SPATA6L: variants seen among roughly 807,000 people sequenced by gnomAD.
SPATA6L encodes spermatogenesis associated 6-like protein.
Under a neutral mutation model 49.2 loss-of-function variants are expected in SPATA6L, and 68 were observed. The observed-to-expected ratio is 1.38, with a 90% CI of 1.14 to 1.69. The LOEUF (loss-of-function observed/expected upper bound fraction) is 1.69, where lower values mean the gene tolerates loss of function less well. SPATA6L is among the 40% of genes most tolerant of loss of function. The pLI is 0.00. For missense variants in SPATA6L, 668 were observed against 464.3 expected (o/e 1.44, Z -4.03); for synonymous variants, 198 against 165.7 (o/e 1.19, Z -1.50).
Position 4,661,898 on chromosome 9 carries a change from C to G in SPATA6L, c.177+1G>C, listed in dbSNP as rs1839867516. On this transcript the variant is annotated splice_donor_variant, in intron 2 of 11. Coordinates refer to ENST00000682582, the MANE Select transcript of SPATA6L (RefSeq NM_001353486.2). LOFTEE classifies it high-confidence loss of function. ...AAAGCCAATGAGAAAGTCAAGATCA[C>G]CTTTTCAAATCTCATGCTCTCCTGA... The G allele has an allele frequency of 1.9e-6, 3 of 1,613,424 alleles. No homozygotes were observed. Among genetic ancestry groups the G allele is most frequent in the Non-Finnish European group, 2.5e-6 (3 of 1,179,564 alleles).
chr9:4,659,291 C>G lies in SPATA6L; in HGVS notation c.177+2608G>C, dbSNP rs144346000. Among the ~76,000 whole-genome samples, 65 of 152,306 alleles carry G rather than the reference C, an allele frequency of 4.3e-4. 1 individual carries two copies. In the East Asian group the frequency reaches 0.011, roughly 25 times the overall value. On this transcript the variant is annotated intron_variant, in intron 2 of 11. Coordinates refer to ENST00000682582, the MANE Select transcript of SPATA6L (RefSeq NM_001353486.2). ...TGAAACAGATAGGTCACTTTCTGGG[C>G]ATCACTTTCCAGACCTTTAAAAGTG...
intron 5 of SPATA6L, chr9:4,627,550 A>C: frequency 2.8e-6 from 1 of 362,182 alleles, no homozygotes; most frequent in Non-Finnish European, 5.2e-6. Flanking sequence ...CCCTGTCCCA[A>C]AGTATTTGGA....
chr9:4,601,732 C>T (rs1185190040), intron 11 of SPATA6L, among the ~76,000 whole-genome samples: 5 of 152,110 alleles, frequency 3.3e-5, no homozygotes, highest in Admixed American at 6.5e-5. Flanking sequence ...CAAGAAAAGC[C>T]GGGACTGGGA....
chr9:4,646,815 G>C (rs1202027051), intron 3 of SPATA6L, among the ~76,000 whole-genome samples: 10 of 152,062 alleles, frequency 6.6e-5, no homozygotes, highest in African/African-American at 2.4e-4. Context: ...AACTAATGCA[G>C]AAAGAGAAAA....
At chr9:4,622,380 G>T in intron 7 of SPATA6L, 28 bp downstream of exon 7, 1 of 1,374,010 alleles carries the variant, frequency 7.3e-7, no homozygotes. Flanking sequence ...ATAGGGAAAT[G>T]TACAGGAGTA....
intron 3 of SPATA6L, among the ~76,000 whole-genome samples, chr9:4,641,063 T>C (rs1833926376): frequency 6.6e-6 from 1 of 152,140 alleles, no homozygotes; most frequent in Admixed American, 6.6e-5. Context: ...TATATATAGG[T>C]GTGTGTGTAT....
At chr9:4,612,229 C>G (rs1377657353) in intron 9 of SPATA6L, among the ~76,000 whole-genome samples, 1 of 152,140 alleles carries the variant, frequency 6.6e-6, no homozygotes, top group Non-Finnish European at 1.5e-5. Flanking sequence ...CTGCCTCAGC[C>G]TCCCAAAGTG....
intron 8 of SPATA6L, 148 bp from the exon 9 acceptor site, chr9:4,618,258 G>T: frequency 1.6e-6 from 1 of 608,596 alleles, no homozygotes; most frequent in Non-Finnish European, 2.7e-6. Flanking sequence ...AAGAGGATCT[G>T]GAGAAGAGAA....
At chr9:4,644,781 G>T (rs1564278948) in intron 3 of SPATA6L, among the ~76,000 whole-genome samples, 1 of 151,830 alleles carries the variant, frequency 6.6e-6, no homozygotes, top group Non-Finnish European at 1.5e-5. Flanking sequence ...CTATTTATGA[G>T]AATTGGTGCC....
intron 9 of SPATA6L, among the ~76,000 whole-genome samples, chr9:4,613,717 G>C (rs930634550): frequency 6.6e-6 from 1 of 151,996 alleles, no homozygotes; most frequent in African/African-American, 2.4e-5. Context: ...CCAAGTAGCT[G>C]AGACTACAGG....
rs10758636 is a variant in SPATA6L at position 4,600,019 on chromosome 9, G to A, written c.*792C>T. Among the ~76,000 whole-genome samples the A allele has an allele frequency of 0.71, 108,108 of 152,038 alleles. 39,071 individuals carry two copies. Among genetic ancestry groups the A allele is most frequent in the Middle Eastern group, 0.81 (237 of 294 alleles). On this transcript the variant is annotated 3_prime_UTR_variant, in exon 12 of 12. Coordinates refer to ENST00000682582, the MANE Select transcript of SPATA6L (RefSeq NM_001353486.2). ...CCTCACACTGTGTAAGCATTTCATA[G>A]ATGCACCTTCCTAACTAACTTTAAA...
Position 4,599,438 on chromosome 9 carries a change from T to C in SPATA6L, c.*1373A>G, listed in dbSNP as rs747514288. On this transcript the variant is annotated 3_prime_UTR_variant, in exon 12 of 12. Coordinates refer to ENST00000682582, the MANE Select transcript of SPATA6L (RefSeq NM_001353486.2). ...AATGAACCAATCCCTATGATTACAG[T>C]GAGAAAAGAAAACTTGGCTCTCACT... 2.0e-5 allele frequency among the ~76,000 whole-genome samples: 3 copies of C among 152,218 alleles called. No homozygotes were observed. Among genetic ancestry groups the C allele is most frequent in the Non-Finnish European group, 4.4e-5 (3 of 68,040 alleles).
At chr9:4,658,228 G>A (rs1003561591) in intron 2 of SPATA6L, among the ~76,000 whole-genome samples, 1 of 152,136 alleles carries the variant, frequency 6.6e-6, no homozygotes, top group South Asian at 2.1e-4. Flanking sequence ...CCATATCTAA[G>A]GATTTTCTCA....
intron 7 of SPATA6L, 119 bp downstream of exon 7, chr9:4,622,289 C>A (rs1025401494): frequency 7.5e-6 from 5 of 666,124 alleles, no homozygotes; most frequent in African/African-American, 1.8e-5. Context: ...CTGGAGAGTA[C>A]TTGAGAATTA....
chr9:4,649,786 T>C (rs935806361), intron 3 of SPATA6L, among the ~76,000 whole-genome samples: 3 of 152,196 alleles, frequency 2.0e-5, no homozygotes, highest in Admixed American at 1.3e-4. Context: ...TAGAGAATGG[T>C]TGTTATGTCC....
intron 2 of SPATA6L, among the ~76,000 whole-genome samples, chr9:4,656,835 A>C (rs1258936617): frequency 6.6e-6 from 1 of 152,218 alleles, no homozygotes; most frequent in Non-Finnish European, 1.5e-5. Flanking sequence ...TGTTAACTGA[A>C]TGAATGGTTT....
rs1462939174 is a variant in SPATA6L at position 4,661,835 on chromosome 9, G to A, written c.177+64C>T. 7 of 1,572,840 alleles carry A rather than the reference G, an allele frequency of 4.5e-6. No individual in the cohort carries two copies. In the Admixed American group the frequency reaches 1.1e-4, roughly 24 times the overall value. On this transcript the variant is annotated intron_variant, in intron 2 of 11. Coordinates refer to ENST00000682582, the MANE Select transcript of SPATA6L (RefSeq NM_001353486.2). ...TACCAAATAATGCTGTAAGAACTCTGTTCTTTATAAGAACTCTCAGGTTAT... is the reference window on the plus strand; with the variant it reads ...TACCAAATAATGCTGTAAGAACTCTATTCTTTATAAGAACTCTCAGGTTAT...
intron 2 of SPATA6L, 149 bp downstream of exon 2, chr9:4,661,750 C>CCAACTGCGGTTTTGCTTCAAGGT: frequency 1.1e-6 from 1 of 940,116 alleles, no homozygotes; most frequent in Non-Finnish European, 1.4e-6. Context: ...AGCAAGTGTT[C>CCAACTGCGGTTTTGCTTCAAGGT]CGACTGCGGT....
rs1461163609 is a variant in SPATA6L at position 4,599,064 on chromosome 9, G to A, written c.*1747C>T. On this transcript the variant is annotated 3_prime_UTR_variant, in exon 12 of 12. Transcript: ENST00000682582. ...GGGGATAGGACCCAAGTCTAAACAC[G>A]AAATTCATTTACGTTTTATATACAC... Among the ~76,000 whole-genome samples the A allele has an allele frequency of 2.0e-5, 3 of 152,220 alleles. No individual in the cohort carries two copies. The highest frequency in any genetic ancestry group is 2.1e-4 in the South Asian group (1 of 4,830).
Sources: gnomAD v4.1 joint callset for allele counts (sites outside exome capture counted in the v4.1 genomes callset) on GRCh38, gnomAD v4.1.1 for gene constraint, MANE v1.5 for transcripts, NCBI Gene and HGNC (gene_info 2026-07-23, HGNC 2026-07-21) for gene names.